The following ORAI2 variants were observed in gnomAD, a reference collection of about 807,000 sequenced individuals.
ORAI2 encodes protein orai-2.
In ORAI2, 10 loss-of-function variants were observed where a neutral mutation model predicts 16.2. The observed-to-expected ratio is 0.62, with a 90% confidence interval of 0.38 to 1.04. ORAI2 has a LOEUF of 1.04. ORAI2 is among the 50% of genes least tolerant of loss of function. The probability of loss-of-function intolerance (pLI) is 0.01; values close to 1 mark genes in which losing one functional copy is unlikely to be tolerated. For missense variants in ORAI2, 238 were observed against 355.5 expected (o/e 0.67, Z 2.66); for synonymous variants, 150 against 157.5 (o/e 0.95, Z 0.35).
At chr7:102,444,550 G>C (rs1204753530) in intron 3 of ORAI2, among the ~76,000 whole-genome samples, 1 of 131,716 alleles carries the variant, frequency 7.6e-6, no homozygotes, top group Admixed American at 9.5e-5. Flanking sequence ...TTACAGGCAT[G>C]AGCCACCGCA....
rs1302994297 is a variant in ORAI2, at chr7:102,448,995, C to G, written c.*1943C>G. On this transcript the variant is annotated 3_prime_UTR_variant, in exon 4 of 4. Coordinates refer to ENST00000495936, the MANE Select transcript of ORAI2 (RefSeq NM_001126340.3). ...TGCCGTGGAATTCTGGGTGGCCTGG[C>G]TGGGGTCTCTGGAAATGTGGCTGCA... 2 of 152,324 alleles carry G rather than the reference C, an allele frequency of 1.3e-5. No homozygotes were observed. The highest frequency in any genetic ancestry group is 4.1e-4 in the South Asian group (2 of 4,824). 9.4% of individuals were successfully genotyped at this position (152,324 alleles called of 1,614,324 possible).
intron 3 of ORAI2, among the ~76,000 whole-genome samples, chr7:102,439,813 C>T (rs1431559035): frequency 6.6e-6 from 1 of 152,040 alleles, no homozygotes; most frequent in African/African-American, 2.4e-5. Context: ...GGCGTGTTGG[C>T]TCACACCTGT....
intron 2 of ORAI2, 112 bp downstream of exon 2, chr7:102,436,445 GT>G: frequency 1.7e-6 from 1 of 600,856 alleles, no homozygotes; most frequent in Non-Finnish European, 2.1e-6. Flanking sequence ...AGGCGACACT[GT>G]TTTCCACCTC....
chr7:102,435,784 A>G lies in ORAI2; in HGVS notation c.-122-441A>G, dbSNP rs973268411. On this transcript the variant is annotated intron_variant, in intron 1 of 3. Coordinates refer to ENST00000495936, the MANE Select transcript of ORAI2 (RefSeq NM_001126340.3). ...TGAGTAGCTGGGATTACAGGCGCCC[A>G]CCACCATGCCCAGTTACTTTTTGTA... Among the ~76,000 whole-genome samples, 9 of 151,852 alleles carry G rather than the reference A, an allele frequency of 5.9e-5. No individual in the cohort carries two copies. The South Asian group carries it at 1.9e-3, about 32-fold the overall frequency.
chr7:102,440,820 C>T (rs527349846), intron 3 of ORAI2, among the ~76,000 whole-genome samples: 1 of 152,224 alleles, frequency 6.6e-6, no homozygotes, highest in Admixed American at 6.5e-5. Flanking sequence ...ACCTCGGCCT[C>T]CCAAAGTGCT....
In ORAI2 at chr7:102,450,949, C is replaced by G. The variant is rs1797504073; in HGVS notation, c.*3897C>G. Reference sequence around the variant, plus strand: ...GGTGTGGTGGCTCACATCTGTAATCCCAGCACTTTGGGAGGCAGAGGTGGG... The same window carrying G: ...GGTGTGGTGGCTCACATCTGTAATCGCAGCACTTTGGGAGGCAGAGGTGGG... On this transcript the variant is annotated 3_prime_UTR_variant, in exon 4 of 4. Transcript: ENST00000495936. The G allele has an allele frequency of 6.6e-6, 1 of 152,256 alleles. No individual in the cohort carries two copies. Among genetic ancestry groups the G allele is most frequent in the Non-Finnish European group, 1.5e-5 (1 of 68,118 alleles). 9.4% of individuals were successfully genotyped at this position (152,256 alleles called of 1,614,324 possible). A position where few individuals can be genotyped will look rare whatever the true frequency, so the allele number is the denominator to read the frequency against.
At position 102,447,208 on chromosome 7, in the gene ORAI2, G is replaced by C. The variant is rs565041356; in HGVS notation, c.*156G>C. The C allele has an allele frequency of 2.0e-4, 171 of 847,664 alleles. 4 individuals are homozygous for C. In the South Asian group the frequency reaches 3.0e-3, roughly 15 times the overall value. The allele number at this position is 847,664 out of a possible 1,614,324, so 52.5% of individuals were successfully genotyped here. On this transcript the variant is annotated 3_prime_UTR_variant, in exon 4 of 4. Transcript: ENST00000495936. ...ATAAGGACTGGATGACTTCTCCTGA[G>C]ATAGAACCGTTTGGTTCAATGAGGG...
chr7:102,443,347 C>T (rs1425751570), intron 3 of ORAI2, among the ~76,000 whole-genome samples: 2 of 147,576 alleles, frequency 1.4e-5, no homozygotes, highest in Non-Finnish European at 3.0e-5. Flanking sequence ...GGCGCGATCT[C>T]GGCTCACTGC....
intron 2 of ORAI2, among the ~76,000 whole-genome samples, chr7:102,438,026 G>A (rs866455663): frequency 1.3e-5 from 2 of 151,980 alleles, no homozygotes; most frequent in South Asian, 2.1e-4. Flanking sequence ...TCCAGCCTGG[G>A]CAACAGAATG....
At chr7:102,445,836 CTCTT>C (rs1797339351) in intron 3 of ORAI2, among the ~76,000 whole-genome samples, 1 of 151,618 alleles carries the variant, frequency 6.6e-6, no homozygotes, top group South Asian at 2.1e-4. Flanking sequence ...CCTCCCTTTT[CTCTT>C]TCTTTTCTTT....
rs977981975 is a variant in ORAI2, at chr7:102,455,406, A to G, written c.*8354A>G. On this transcript the variant is annotated 3_prime_UTR_variant, in exon 4 of 4. Transcript: ENST00000495936. The stretch of plus-strand genomic sequence containing the variant: ...TCTGGTATCACAAACTTAACAGGTA[A>G]TGGAGTTTCCTAAAGTGTGCTCTGC... The G allele has an allele frequency of 6.6e-6, 1 of 152,202 alleles. No individual in the cohort carries two copies. Among genetic ancestry groups the G allele is most frequent in the Non-Finnish European group, 1.5e-5 (1 of 68,062 alleles). The allele number at this position is 152,202 out of a possible 1,614,324, so 9.4% of individuals were successfully genotyped here. A position where few individuals can be genotyped will look rare whatever the true frequency, so the allele number is the denominator to read the frequency against.
rs1275464567 is a variant in ORAI2 at position 102,436,320 on chromosome 7, G to A, written c.-27G>A. ...GGATGGAGAGCCTGAGTTGGCATTC[G>A]TATAAATGACCTGGTAATTGGCATC... On this transcript the variant is annotated 5_prime_UTR_variant, in exon 2 of 4. Transcript: ENST00000495936. 9.1e-6 allele frequency: 9 copies of A among 985,380 alleles called. No homozygotes were observed. The highest frequency in any genetic ancestry group is 6.2e-5 in the Admixed American group (1 of 16,230). 61.0% of individuals were successfully genotyped at this position (985,380 alleles called of 1,614,324 possible). A position where few individuals can be genotyped will look rare whatever the true frequency, so the allele number is the denominator to read the frequency against.
rs1797290055 is a variant in ORAI2 at position 102,444,466 on chromosome 7, T to A, written c.226-2047T>A. Among the ~76,000 whole-genome samples, 5 of 151,256 alleles carry A rather than the reference T, an allele frequency of 3.3e-5. No homozygotes were observed. The South Asian group carries it at 1.1e-3, about 32-fold the overall frequency. On this transcript the variant is annotated intron_variant, in intron 3 of 3. Coordinates refer to ENST00000495936, the MANE Select transcript of ORAI2 (RefSeq NM_001126340.3). Reference sequence around the variant, plus strand: ...AAGAGTTTTGCCATATTGGCCAGGCTGGTCTCCAACTCCTGACCTCAAGTG... The same window carrying A: ...AAGAGTTTTGCCATATTGGCCAGGCAGGTCTCCAACTCCTGACCTCAAGTG...
chr7:102,448,612 G>A lies in ORAI2; in HGVS notation c.*1560G>A, dbSNP rs1333012661. ...TGTAGCCCCAGCTACTTGGGAGGCT[G>A]AGGCGGGAGAATGGCAATGGCGTGA... On this transcript the variant is annotated 3_prime_UTR_variant, in exon 4 of 4. Coordinates refer to ENST00000495936, the MANE Select transcript of ORAI2 (RefSeq NM_001126340.3). 6.6e-6 allele frequency: 1 copy of A among 152,172 alleles called. No homozygotes were observed. The highest frequency in any genetic ancestry group is 1.9e-4 in the East Asian group (1 of 5,178). 9.4% of individuals were successfully genotyped at this position (152,172 alleles called of 1,614,324 possible).
At position 102,452,136 on chromosome 7, in the gene ORAI2, C is replaced by CT. The variant is rs879132941; in HGVS notation, c.*5098dup. On this transcript the variant is annotated 3_prime_UTR_variant, in exon 4 of 4. Coordinates refer to ENST00000495936, the MANE Select transcript of ORAI2 (RefSeq NM_001126340.3). ...CACTGCTAAGGAAGCACCAGACAGC[C>CT]TTTTTTTTTTTTTTGAGACAGAGTC... 3,406 of 143,208 alleles carry CT rather than the reference C, an allele frequency of 0.024. 109 individuals carry two copies. The highest frequency in any genetic ancestry group is 0.077 in the African/African-American group (3,012 of 39,252). The allele number at this position is 143,208 out of a possible 1,614,324, so 8.9% of individuals were successfully genotyped here. A position where few individuals can be genotyped will look rare whatever the true frequency, so the allele number is the denominator to read the frequency against.
Position 102,447,357 on chromosome 7 carries a change from G to A in ORAI2, c.*305G>A. 5.3e-6 allele frequency: 2 copies of A among 374,732 alleles called. No individual in the cohort carries two copies. The highest frequency in any genetic ancestry group is 8.3e-5 in the South Asian group (2 of 24,218). The allele number at this position is 374,732 out of a possible 1,614,324, so 23.2% of individuals were successfully genotyped here. On this transcript the variant is annotated 3_prime_UTR_variant, in exon 4 of 4. Transcript: ENST00000495936. ...GCCCATCAGTCCTGGGCCAGGAGGG[G>A]CTCCAAGCAGCACCCAGCGGTCCGG...
chr7:102,443,949 C>T (rs1459849862), intron 3 of ORAI2, among the ~76,000 whole-genome samples: 6 of 151,976 alleles, frequency 3.9e-5, no homozygotes, highest in Non-Finnish European at 5.9e-5. Flanking sequence ...TCAGGTGATC[C>T]GCCCACCTCG....
At chr7:102,438,890 C>T in intron 2 of ORAI2, 54 bp from the exon 3 acceptor site, 1 of 1,552,496 alleles carries the variant, frequency 6.4e-7, no homozygotes, top group Non-Finnish European at 8.9e-7. Flanking sequence ...GAGTCTAGCT[C>T]TTCCAGGCCG....
At chr7:102,445,157 G>A (rs1234503338) in intron 3 of ORAI2, among the ~76,000 whole-genome samples, 2 of 152,226 alleles carry the variant, frequency 1.3e-5, no homozygotes, top group African/African-American at 4.8e-5. Context: ...CTTTAGAGAT[G>A]CCGGCTCTCA....
Sources: gnomAD v4.1 joint callset for allele counts (sites outside exome capture counted in the v4.1 genomes callset) on GRCh38, gnomAD v4.1.1 for gene constraint, MANE v1.5 for transcripts, NCBI Gene and HGNC (gene_info 2026-07-23, HGNC 2026-07-21) for gene names.